The following ATG4C variants were observed in gnomAD, a reference collection of about 807,000 sequenced individuals.
ATG4C encodes the protein cysteine protease ATG4C.
In ATG4C, 56 loss-of-function variants were observed where a neutral mutation model predicts 57.6. That is an observed-to-expected ratio of 0.97 (90% confidence interval 0.78 to 1.21). The LOEUF (loss-of-function observed/expected upper bound fraction) is 1.21. Among genes scored for constraint, ATG4C ranks in the 50% most tolerant of loss-of-function variants. The pLI is 0.00. For synonymous variants in ATG4C, 157 were observed against 174.1 expected (o/e 0.90, Z 0.78); for missense variants, 595 against 529.8 (o/e 1.12, Z -1.21).
In ATG4C at chr1:62,816,641, TAGA is replaced by T; in HGVS notation, c.232_234del (p.Glu78del). On this transcript the variant is annotated inframe_deletion, in exon 4 of 11. Transcript: ENST00000317868. ...GAGGATCACGTAATTGCAGGAAATG[TAGA>T]AGAATTTCGTAAAGATTTCATTTCT... 6.2e-7 allele frequency: 1 copy of T among 1,613,868 alleles called. No individual in the cohort carries two copies. Among genetic ancestry groups the T allele is most frequent in the South Asian group, 1.1e-5 (1 of 91,068 alleles).
Position 62,821,136 on chromosome 1 carries a change from C to G in ATG4C, c.726-3C>G. The G allele has an allele frequency of 6.3e-7, 1 of 1,587,400 alleles. No individual in the cohort carries two copies. Among genetic ancestry groups the G allele is most frequent in the Non-Finnish European group, 8.6e-7 (1 of 1,169,486 alleles). On this transcript the variant is annotated splice_polypyrimidine_tract_variant and splice_region_variant and intron_variant, in intron 5 of 10. Coordinates refer to ENST00000317868, the MANE Select transcript of ATG4C (RefSeq NM_032852.4). Reference sequence around the variant, plus strand: ...TGAAAGATAATGCTTGTTATTTTCTCAGAAAAGCAGTTGAAGAAGCAAGGC... The same window carrying G: ...TGAAAGATAATGCTTGTTATTTTCTGAGAAAAGCAGTTGAAGAAGCAAGGC...
intron 1 of ATG4C, among the ~76,000 whole-genome samples, chr1:62,797,523 TG>T (rs1398469539): frequency 6.6e-6 from 1 of 152,196 alleles, no homozygotes; most frequent in Non-Finnish European, 1.5e-5. Flanking sequence ...ATTCATTTAA[TG>T]TACATTTCTT....
At chr1:62,818,470 A>T (rs2100317316) in intron 4 of ATG4C, among the ~76,000 whole-genome samples, 1 of 152,246 alleles carries the variant, frequency 6.6e-6, no homozygotes, top group Non-Finnish European at 1.5e-5. Context: ...AAAGAAGAGA[A>T]AAAAGAACAT....
At chr1:62,798,369 T>C (rs558867967) in intron 1 of ATG4C, among the ~76,000 whole-genome samples, 5 of 152,340 alleles carry the variant, frequency 3.3e-5, no homozygotes, top group Admixed American at 2.0e-4. Context: ...AATTCTTAAA[T>C]ACGCTTGGGT....
chr1:62,794,914 T>C (rs1475434202), intron 1 of ATG4C, among the ~76,000 whole-genome samples: 1 of 152,182 alleles, frequency 6.6e-6, no homozygotes, highest in East Asian at 1.9e-4. Context: ...GATAAGGGAT[T>C]GATATTTCTT....
At chr1:62,821,036 GAA>G in intron 5 of ATG4C, 101 bp from the exon 6 acceptor site, 5 of 795,058 alleles carry the variant, frequency 6.3e-6, no homozygotes, top group Non-Finnish European at 9.8e-6. Flanking sequence ...AGTTAAATAG[GAA>G]AGTCACAAAA....
chr1:62,832,273 A>G (rs762779329), intron 7 of ATG4C, among the ~76,000 whole-genome samples: 2 of 152,222 alleles, frequency 1.3e-5, no homozygotes, highest in African/African-American at 2.4e-5. Context: ...TACTAAGAAT[A>G]TACAAGGTTG....
Position 62,829,086 on chromosome 1 carries a change from T to A in ATG4C, c.843T>A (p.Ser281=). The A allele has an allele frequency of 6.2e-7, 1 of 1,613,044 alleles. No individual in the cohort carries two copies. ...ATAAACAGAGTGCTTCCATGACTTCTGATAATGCAGATGACAAAGCTGTTA... is the reference window on the plus strand; with the variant it reads ...ATAAACAGAGTGCTTCCATGACTTCAGATAATGCAGATGACAAAGCTGTTA... ...VIDKQSASMT[S]DNADDKAVII... The change falls in exon 7 of 11, where the codon TCT becomes TCA. Residue 281 remains serine (S), a synonymous_variant. Transcript: ENST00000317868.
intron 3 of ATG4C, among the ~76,000 whole-genome samples, chr1:62,813,206 A>G (rs1414418526): frequency 6.6e-6 from 1 of 152,168 alleles, no homozygotes; most frequent in African/African-American, 2.4e-5. Flanking sequence ...GCATCACACT[A>G]CCTGACTTCA....
intron 3 of ATG4C, among the ~76,000 whole-genome samples, chr1:62,809,285 A>G (rs1051911612): frequency 4.0e-5 from 6 of 151,736 alleles, no homozygotes; most frequent in Non-Finnish European, 8.8e-5. Flanking sequence ...AAAGGGAAAT[A>G]TTAATCAGTT....
chr1:62,810,711 G>GTTTTT (rs10677674), intron 3 of ATG4C, among the ~76,000 whole-genome samples: 3 of 141,530 alleles, frequency 2.1e-5, no homozygotes, highest in Admixed American at 7.0e-5. Flanking sequence ...TTGAGTCCTT[G>GTTTTT]TTTTTTTTTT....
intron 1 of ATG4C, among the ~76,000 whole-genome samples, chr1:62,791,364 AAGAGTAACTAATATAATGGGTC>A (rs1478718222): frequency 6.6e-6 from 1 of 152,180 alleles, no homozygotes; most frequent in Non-Finnish European, 1.5e-5. Flanking sequence ...TTTTCTTGGC[AAGAGTAACTAATATAATGGGTC>A]TTGGAAATGG....
chr1:62,846,817 C>G (rs1003044076), intron 10 of ATG4C, among the ~76,000 whole-genome samples: 3 of 152,188 alleles, frequency 2.0e-5, no homozygotes, highest in Non-Finnish European at 4.4e-5. Flanking sequence ...TATGTAGTTT[C>G]CAAGCCTCAC....
At chr1:62,818,974 A>T (rs759636796) in intron 4 of ATG4C, 31 bp from the exon 5 acceptor site, 4 of 1,455,376 alleles carry the variant, frequency 2.7e-6, no homozygotes, top group East Asian at 4.6e-5. Flanking sequence ...TATTTAAAAG[A>T]TCTGAACACT....
chr1:62,820,816 A>T (rs187848500), intron 5 of ATG4C, among the ~76,000 whole-genome samples: 231 of 152,224 alleles, frequency 1.5e-3, no homozygotes, highest in Non-Finnish European at 2.6e-3. Context: ...CTTGCAGCAT[A>T]TTCATACCAC....
intron 6 of ATG4C, among the ~76,000 whole-genome samples, chr1:62,823,146 C>A (rs1665537248): frequency 6.6e-6 from 1 of 152,208 alleles, no homozygotes; most frequent in South Asian, 2.1e-4. Flanking sequence ...CAGAGTGAGA[C>A]TCTGTCTCAA....
At chr1:62,793,135 C>G (rs958657239) in intron 1 of ATG4C, among the ~76,000 whole-genome samples, 3 of 151,754 alleles carry the variant, frequency 2.0e-5, no homozygotes, top group African/African-American at 7.3e-5. Context: ...ATTCGCCCGC[C>G]TCGGCCTCCC....
intron 7 of ATG4C, among the ~76,000 whole-genome samples, chr1:62,830,918 CAGTAGCT>C (rs1279438644): frequency 1.3e-5 from 2 of 152,092 alleles, no homozygotes; most frequent in Non-Finnish European, 2.9e-5. Flanking sequence ...TTTGCCCTCA[CAGTAGCT>C]AGGAACTGGA....
chr1:62,846,014 G>A lies in ATG4C; in HGVS notation c.1209+4467G>A, dbSNP rs528227932. ...TAGAAAGTGGTGAGGGAAAGAGAGA[G>A]CTCACAGACAAGTCTGTTTTACATC... On this transcript the variant is annotated intron_variant, in intron 10 of 10. Coordinates refer to ENST00000317868, the MANE Select transcript of ATG4C (RefSeq NM_032852.4). Among the ~76,000 whole-genome samples the A allele has an allele frequency of 2.0e-5, 3 of 152,228 alleles. No individual in the cohort carries two copies. In the East Asian group the frequency reaches 5.8e-4, roughly 29 times the overall value.
Sources: gnomAD v4.1 joint callset for allele counts (sites outside exome capture counted in the v4.1 genomes callset) on GRCh38, gnomAD v4.1.1 for gene constraint, MANE v1.5 for transcripts, NCBI Gene and HGNC (gene_info 2026-07-23, HGNC 2026-07-21) for gene names.